ESPN: variants seen among roughly 807,000 people sequenced by gnomAD.
ESPN encodes autosomal recessive deafness type 36 protein.
In ESPN, 68 loss-of-function variants were observed where a neutral mutation model predicts 77.7. That is an observed-to-expected ratio of 0.87 (90% CI 0.72 to 1.07). The LOEUF is 1.07. Ranked by LOEUF, ESPN falls within the 50% of genes least tolerant of loss-of-function variation. The pLI is 0.00. For missense variants in ESPN, 1,060 were observed against 1,239.0 expected (o/e 0.86, Z 2.17); for synonymous variants, 449 against 567.1 (o/e 0.79, Z 2.96).
chr1:6,458,214 C>T (rs1342024713), intron 12 of ESPN, among the ~76,000 whole-genome samples: 4 of 151,790 alleles, frequency 2.6e-5, no homozygotes, highest in African/African-American at 9.7e-5. Flanking sequence ...GATGGGGTTT[C>T]ACCATGTTGG....
chr1:6,429,379 A>G (rs1221561206), intron 2 of ESPN, among the ~76,000 whole-genome samples: 1 of 152,150 alleles, frequency 6.6e-6, no homozygotes, highest in African/African-American at 2.4e-5. Flanking sequence ...AGTGGGATTT[A>G]GACTAGGAGG....
In ESPN at chr1:6,451,945, C is replaced by T; in HGVS notation, c.2174C>T (p.Pro725Leu). ...AATGGAAGCTTGGTTCCCGTGCCGCCCACTACTCCTGCGCCGGGAGTGCAG... is the reference window on the plus strand; with the variant it reads ...AATGGAAGCTTGGTTCCCGTGCCGCTCACTACTCCTGCGCCGGGAGTGCAG... ...LLNGSLVPVP[P>L]TTPAPGVQLD... is the part of the protein sequence containing the mutation. The change falls in exon 10 of 13, where the codon CCC (proline) becomes CTC (leucine). Residue 725 changes from proline (P) to leucine (L), a missense_variant. Coordinates refer to ENST00000645284, the MANE Select transcript of ESPN (RefSeq NM_031475.3). This position sits in a 1 kb window ranked among gnomAD's most constrained non-coding sequence, Gnocchi z 4.3. 1 of 1,610,956 alleles carries T rather than the reference C, an allele frequency of 6.2e-7. No homozygotes were observed. The highest frequency in any genetic ancestry group is 1.7e-5 in the Admixed American group (1 of 59,826).
chr1:6,440,570 C>G (rs1364456574), intron 3 of ESPN, 56 bp from the exon 4 acceptor site: 13 of 979,262 alleles, frequency 1.3e-5, no homozygotes, highest in Admixed American at 5.3e-5. Context: ...AGGGGGCGGG[C>G]CTACAGGGGC....
chr1:6,453,971 G>C (rs1644000309), intron 10 of ESPN, among the ~76,000 whole-genome samples: 1 of 152,202 alleles, frequency 6.6e-6, no homozygotes, highest in Non-Finnish European at 1.5e-5. Context: ...AAAACATTGA[G>C]CACAGGGAGC....
chr1:6,444,575 C>T lies in ESPN; in HGVS notation c.1085C>T (p.Ser362Leu), dbSNP rs754724599. 26 of 1,614,122 alleles carry T rather than the reference C, an allele frequency of 1.6e-5. No homozygotes were observed. Among genetic ancestry groups the T allele is most frequent in the Middle Eastern group, 1.6e-4 (1 of 6,084 alleles). Residue 362 changes from serine to leucine, a missense_variant, in exon 6 of 13, where the codon TCG becomes TTG. Coordinates refer to ENST00000645284, the MANE Select transcript of ESPN (RefSeq NM_031475.3). ...SGMSSPNTTVSVQPLNFDLSS... is the reference protein window; with the variant it reads ...SGMSSPNTTVLVQPLNFDLSS... ...ATGTCCTCACCCAATACCACGGTGT[C>T]GGTCCAGCCGCTGAACTTTGACCTC... is the stretch of plus-strand genomic sequence containing the variant.
chr1:6,444,449 T>C, intron 5 of ESPN, 32 bp from the exon 6 acceptor site: 7 of 1,611,890 alleles, frequency 4.3e-6, no homozygotes, highest in Non-Finnish European at 5.9e-6. Flanking sequence ...TGGGGTATGG[T>C]TGTCTTCATG....
At chr1:6,436,705 C>G (rs1259678523) in intron 2 of ESPN, among the ~76,000 whole-genome samples, 1 of 152,088 alleles carries the variant, frequency 6.6e-6, no homozygotes, top group Middle Eastern at 3.2e-3. Flanking sequence ...GGCGGTCTCT[C>G]TATGTTGCCC....
In ESPN at chr1:6,427,758, G is replaced by A. The variant is rs115271191; in HGVS notation, c.295-468G>A. 0.012 allele frequency among the ~76,000 whole-genome samples: 1,827 copies of A among 152,200 alleles called. 40 individuals carry two copies. Among genetic ancestry groups the A allele is most frequent in the African/African-American group, 0.042 (1,736 of 41,532 alleles). ...GAGAGATCGGGGGCAAGTGTTGGAT[G>A]CAGGGGGTGACCCCCAATCCTGATG... is the stretch of plus-strand genomic sequence containing the variant. On this transcript the variant is annotated intron_variant, in intron 1 of 12. Transcript: ENST00000645284. This position sits in a 1 kb window ranked among gnomAD's most constrained non-coding sequence, Gnocchi z 4.6.
intron 1 of ESPN, among the ~76,000 whole-genome samples, chr1:6,426,807 T>C (rs1275238465): frequency 1.3e-5 from 2 of 152,084 alleles, no homozygotes; most frequent in African/African-American, 4.8e-5. Flanking sequence ...ACCTTTGGGC[T>C]CGGAGGGGAC....
Position 6,451,436 on chromosome 1 carries a change from C to A in ESPN, c.1916-167C>A, listed in dbSNP as rs1643940981. 7.7e-6 allele frequency: 7 copies of A among 910,426 alleles called. No individual in the cohort carries two copies. The highest frequency in any genetic ancestry group is 8.6e-6 in the Non-Finnish European group (5 of 579,598). The allele number at this position is 910,426 out of a possible 1,614,324, so 56.4% of individuals were successfully genotyped here. ...GGAACCAAGGGCCCGCCTCTGGGGG[C>A]CCTGAAACCTGCCTGCAGGACCTGG... On this transcript the variant is annotated intron_variant, in intron 8 of 12. Transcript: ENST00000645284. The surrounding 1 kb of genome is among the most constrained non-coding windows in gnomAD (Gnocchi z 4.3).
chr1:6,454,993 G>A (rs936760887), intron 10 of ESPN: 3 of 377,166 alleles, frequency 8.0e-6, no homozygotes, highest in Admixed American at 4.6e-5. Context: ...CGCGCACGGG[G>A]CGCGGCGCCC....
chr1:6,440,459 C>A lies in ESPN; in HGVS notation c.675+19C>A, dbSNP rs748483488. 3.3e-5 allele frequency: 50 copies of A among 1,521,780 alleles called. 1 individual carries two copies. In the South Asian group the frequency reaches 5.1e-4, roughly 16 times the overall value. The allele number at this position is 1,521,780 out of a possible 1,614,324, so 94.3% of individuals were successfully genotyped here. A position where few individuals can be genotyped will look rare whatever the true frequency, so the allele number is the denominator to read the frequency against. Reference sequence around the variant, plus strand: ...GTGGTTGGTGAGCTCCGGGCCCGGGCGGGGAGCAGGGGAGGCGGGGCGGAG... The same window carrying A: ...GTGGTTGGTGAGCTCCGGGCCCGGGAGGGGAGCAGGGGAGGCGGGGCGGAG... On this transcript the variant is annotated intron_variant, in intron 3 of 12. Coordinates refer to ENST00000645284, the MANE Select transcript of ESPN (RefSeq NM_031475.3).
chr1:6,434,951 G>C (rs1241100001), intron 2 of ESPN, among the ~76,000 whole-genome samples: 1 of 152,062 alleles, frequency 6.6e-6, no homozygotes, highest in Non-Finnish European at 1.5e-5. Context: ...AGGTGTAGAG[G>C]CCTCAGGTGG....
Position 6,424,977 on chromosome 1 carries a change from C to T in ESPN, c.22C>T (p.Gln8Ter). 2 of 1,456,750 alleles carry T rather than the reference C, an allele frequency of 1.4e-6. No individual in the cohort carries two copies. Among genetic ancestry groups the T allele is most frequent in the Admixed American group, 2.5e-5 (1 of 40,474 alleles). 90.2% of individuals were successfully genotyped at this position (1,456,750 alleles called of 1,614,324 possible). Residue 8 changes from glutamine to a stop codon, truncating the protein, a stop_gained, in exon 1 of 13, where the codon CAG becomes TAG. Transcript: ENST00000645284. LOFTEE classifies it high-confidence loss of function. Reference protein sequence around the residue: MALEQALQAARQGELDVL... With the variant: MALEQAL ...CACCATGGCCCTGGAGCAGGCGCTGCAGGCGGCGCGGCAGGGCGAGCTGGA... is the reference window on the plus strand; with the variant it reads ...CACCATGGCCCTGGAGCAGGCGCTGTAGGCGGCGCGGCAGGGCGAGCTGGA...
chr1:6,424,882 T>A lies in ESPN; in HGVS notation c.-74T>A. ...CCGACGGCCGCACCGCGGGCTCCTC[T>A]GGCCCGCAAGAACACGTGCATGGCG... On this transcript the variant is annotated 5_prime_UTR_variant, in exon 1 of 13. Coordinates refer to ENST00000645284, the MANE Select transcript of ESPN (RefSeq NM_031475.3). 1 of 1,327,600 alleles carries A rather than the reference T, an allele frequency of 7.5e-7. No individual in the cohort carries two copies. The allele number at this position is 1,327,600 out of a possible 1,614,324, so 82.2% of individuals were successfully genotyped here. A position where few individuals can be genotyped will look rare whatever the true frequency, so the allele number is the denominator to read the frequency against.
In ESPN at chr1:6,427,976, A is replaced by G. The variant is rs1169166244; in HGVS notation, c.295-250A>G. Among the ~76,000 whole-genome samples, 4 of 150,792 alleles carry G rather than the reference A, an allele frequency of 2.7e-5. No individual in the cohort carries two copies. The highest frequency in any genetic ancestry group is 5.9e-5 in the Non-Finnish European group (4 of 67,606). On this transcript the variant is annotated intron_variant, in intron 1 of 12. Coordinates refer to ENST00000645284, the MANE Select transcript of ESPN (RefSeq NM_031475.3). This position sits in a 1 kb window ranked among gnomAD's most constrained non-coding sequence, Gnocchi z 4.6. ...CAGTCAGGACCTGCAGCCTCTGAAA[A>G]CCCTGCACGGTGCTGCCTATTGGCT... is the stretch of plus-strand genomic sequence containing the variant.
At position 6,448,964 on chromosome 1, in the gene ESPN, ACCGCCGCCCCCACCGCCG is replaced by A. The variant is rs1405913067; in HGVS notation, c.1799_1816del (p.Pro600_Pro605del). ...ACCCCAAGGCGTCCAGGGAGCTGCC[ACCGCCGCCCCCACCGCCG>A]CCGCCGCCCCTGCCGGAGGCCGCGA... On this transcript the variant is annotated inframe_deletion, in exon 8 of 13. Coordinates refer to ENST00000645284, the MANE Select transcript of ESPN (RefSeq NM_031475.3). 7.1e-6 allele frequency: 10 copies of A among 1,402,756 alleles called. 1 individual carries two copies. In the Admixed American group the frequency reaches 2.0e-4, roughly 29 times the overall value. 86.9% of individuals were successfully genotyped at this position (1,402,756 alleles called of 1,614,324 possible). A position where few individuals can be genotyped will look rare whatever the true frequency, so the allele number is the denominator to read the frequency against.
chr1:6,433,951 G>A (rs1643342297), intron 2 of ESPN, among the ~76,000 whole-genome samples: 1 of 152,128 alleles, frequency 6.6e-6, no homozygotes, highest in African/African-American at 2.4e-5. Flanking sequence ...CTATCGCCCA[G>A]GCTGGAGTGC....
At chr1:6,460,946 T>C (rs1644153247), downstream of ESPN, 2 of 366,912 alleles carry the variant, frequency 5.5e-6, no homozygotes, top group Non-Finnish European at 1.1e-5. Context: ...GTTCACTCAC[T>C]CGCTGTGGCC....
Sources: allele counts gnomAD v4.1 joint callset (sites outside exome capture counted in the v4.1 genomes callset), GRCh38; gene constraint gnomAD v4.1.1; non-coding constraint Gnocchi (gnomAD v3.1); transcripts MANE v1.5; gene names NCBI Gene and HGNC (gene_info 2026-07-23, HGNC 2026-07-21).